Variants in CIAO1 observed in about 807,000 individuals in gnomAD.
CIAO1 encodes probable cytosolic iron-sulfur protein assembly protein CIAO1.
In CIAO1, 32 loss-of-function variants were observed where a neutral mutation model predicts 43.1. That is an observed-to-expected ratio of 0.74 (90% confidence interval 0.56 to 1.00). The LOEUF (loss-of-function observed/expected upper bound fraction) is 1.00. CIAO1 is among the 50% of genes least tolerant of loss of function. The probability of loss-of-function intolerance (pLI) is 0.00; values close to 1 mark genes in which losing one functional copy is unlikely to be tolerated. For missense variants in CIAO1, 415 were observed against 437.4 expected (o/e 0.95, Z 0.46); for synonymous variants, 183 against 171.4 (o/e 1.07, Z -0.53).
intron 6 of CIAO1, among the ~76,000 whole-genome samples, chr2:96,270,283 A>G (rs1684522884): frequency 6.6e-6 from 1 of 151,422 alleles, no homozygotes; most frequent in Non-Finnish European, 1.5e-5. Flanking sequence ...AAGGTGAGTG[A>G]ATCATGAGGT....
rs1169881934 is a variant in CIAO1 at position 96,273,646 on chromosome 2, G to C, written c.*2295G>C. On this transcript the variant is annotated 3_prime_UTR_variant, in exon 7 of 7. Transcript: ENST00000488633. The stretch of plus-strand genomic sequence containing the variant: ...CCACTGGACTCCAGCCTGGGTGACA[G>C]AGCGAGACTCCATTTCAAAAAAAAA... Among the ~76,000 whole-genome samples the C allele has an allele frequency of 7.5e-6, 1 of 134,226 alleles. No homozygotes were observed. The highest frequency in any genetic ancestry group is 2.9e-5 in the African/African-American group (1 of 35,058). 88.1% of individuals were successfully genotyped at this position (134,226 alleles called of 152,430 possible).
rs754148502 is a variant in CIAO1, at chr2:96,271,498, C to T, written c.*147C>T. On this transcript the variant is annotated 3_prime_UTR_variant, in exon 7 of 7. Transcript: ENST00000488633. ...AGACTTGGGTAGAAGTGCAGAGCCA[C>T]AGAATTGCTTTCCTTCCCCGCCTTT... is the stretch of plus-strand genomic sequence containing the variant. 246 of 958,538 alleles carry T rather than the reference C, an allele frequency of 2.6e-4. No individual in the cohort carries two copies. The highest frequency in any genetic ancestry group is 6.2e-4 in the Admixed American group (22 of 35,300). 59.4% of individuals were successfully genotyped at this position (958,538 alleles called of 1,614,324 possible). A position where few individuals can be genotyped will look rare whatever the true frequency, so the allele number is the denominator to read the frequency against.
chr2:96,268,104 A>G, intron 4 of CIAO1, 180 bp downstream of exon 4: 2 of 641,080 alleles, frequency 3.1e-6, no homozygotes, highest in South Asian at 3.7e-5. Context: ...CTATAATCTC[A>G]GCACTTTGGG....
At chr2:96,270,308 C>G (rs1684523339) in intron 6 of CIAO1, among the ~76,000 whole-genome samples, 1 of 151,792 alleles carries the variant, frequency 6.6e-6, no homozygotes, top group African/African-American at 2.4e-5. Context: ...AGTTCAAGAC[C>G]AGCCTGACCA....
intron 2 of CIAO1, 67 bp from the exon 3 acceptor site, chr2:96,267,558 G>C: frequency 6.2e-7 from 1 of 1,608,408 alleles, no homozygotes; most frequent in South Asian, 1.1e-5. Flanking sequence ...CAGTTGGGCT[G>C]TACCCATGGG....
In CIAO1 at chr2:96,268,648, C is replaced by T; in HGVS notation, c.681C>T (p.Gly227=). 1 of 1,614,134 alleles carries T rather than the reference C, an allele frequency of 6.2e-7. No homozygotes were observed. Among genetic ancestry groups the T allele is most frequent in the Non-Finnish European group, 8.5e-7 (1 of 1,180,024 alleles). ...GTATCTGGCGTCAGTATCTACCAGG[C>T]AATGAACAAGGTGAGGTCCATTAGT... ...TVRIWRQYLP[G]NEQGVACSGS... is the part of the protein sequence containing the mutation. The change falls in exon 5 of 7, where the codon GGC becomes GGT. Residue 227 remains glycine, a synonymous_variant. Transcript: ENST00000488633.
At chr2:96,267,248 G>C (rs533072983) in intron 1 of CIAO1, 73 bp from the exon 2 acceptor site, 1 of 1,503,796 alleles carries the variant, frequency 6.6e-7, no homozygotes, top group Non-Finnish European at 9.0e-7. Flanking sequence ...TGATTCCAGT[G>C]CTAGCCCCTG....
chr2:96,267,361 C>T lies in CIAO1; in HGVS notation c.180C>T (p.His60=), dbSNP rs781255348. Residue 60 remains histidine, a synonymous_variant, in exon 2 of 7, where the codon CAC becomes CAT. Coordinates refer to ENST00000488633, the MANE Select transcript of CIAO1 (RefSeq NM_004804.3). ...WICKSVLSEG[H]QRTVRKVAWS... Reference sequence around the variant, plus strand: ...GCAAGTCTGTCCTTTCTGAAGGCCACCAGCGCACCGTGCGGAAGGTAGCCT... The same window carrying T: ...GCAAGTCTGTCCTTTCTGAAGGCCATCAGCGCACCGTGCGGAAGGTAGCCT... 1 of 1,614,134 alleles carries T rather than the reference C, an allele frequency of 6.2e-7. No individual in the cohort carries two copies. Among genetic ancestry groups the T allele is most frequent in the Non-Finnish European group, 8.5e-7 (1 of 1,180,000 alleles).
At position 96,268,494 on chromosome 2, in the gene CIAO1, T is replaced by C; in HGVS notation, c.527T>C (p.Leu176Pro). ...ASASYDDTVK[L>P]YREEEDDWVC... The stretch of plus-strand genomic sequence containing the variant: ...GCCAGCTATGATGACACAGTGAAGC[T>C]GTACCGGGAGGAAGAGGATGACTGG... The change falls in exon 5 of 7, where the codon CTG becomes CCG. Residue 176 changes from leucine (L) to proline (P), a missense_variant. By Grantham distance (98) the Leu-to-Pro change is moderately conservative. Coordinates refer to ENST00000488633, the MANE Select transcript of CIAO1 (RefSeq NM_004804.3). 6.2e-7 allele frequency: 1 copy of C among 1,614,262 alleles called. No homozygotes were observed. The highest frequency in any genetic ancestry group is 8.5e-7 in the Non-Finnish European group (1 of 1,180,044).
intron 4 of CIAO1, 75 bp from the exon 5 acceptor site, chr2:96,268,382 T>C: frequency 8.4e-7 from 1 of 1,189,902 alleles, no homozygotes; most frequent in Non-Finnish European, 1.2e-6. Context: ...TAAAAGCAGA[T>C]ACCTGGAACT....
At chr2:96,268,424 C>T (rs1684478955) in intron 4 of CIAO1, 33 bp from the exon 5 acceptor site, 2 of 1,593,872 alleles carry the variant, frequency 1.3e-6, no homozygotes, top group Non-Finnish European at 1.7e-6. Flanking sequence ...GCCACACAGA[C>T]ACATGTTGGG....
chr2:96,271,069 C>T (rs918744515), intron 6 of CIAO1, 42 bp from the exon 7 acceptor site: 3 of 1,611,346 alleles, frequency 1.9e-6, no homozygotes, highest in Admixed American at 1.7e-5. Flanking sequence ...TCTCTCTGGC[C>T]TAATTAGTCA....
In CIAO1 at chr2:96,271,220, C is replaced by T. The variant is rs764025636; in HGVS notation, c.889C>T (p.His297Tyr). Reference protein sequence around the residue: ...PQQPTFSLTAHLHQAHSQDVN... With the variant: ...PQQPTFSLTAYLHQAHSQDVN... Reference sequence around the variant, plus strand: ...GCAGCCCACCTTCTCCCTGACAGCCCACTTGCATCAGGCCCATTCCCAGGA... The same window carrying T: ...GCAGCCCACCTTCTCCCTGACAGCCTACTTGCATCAGGCCCATTCCCAGGA... Residue 297 changes from histidine (H) to tyrosine (Y), a missense_variant, in exon 7 of 7, where the codon CAC (histidine) becomes TAC (tyrosine). Transcript: ENST00000488633. 1 of 1,614,256 alleles carries T rather than the reference C, an allele frequency of 6.2e-7. No homozygotes were observed. Among genetic ancestry groups the T allele is most frequent in the Non-Finnish European group, 8.5e-7 (1 of 1,180,050 alleles).
In CIAO1 at chr2:96,271,320, TCTGGAA is replaced by T; in HGVS notation, c.990_995del (p.Phe330_Lys332delinsLeu). On this transcript the variant is annotated inframe_deletion, in exon 7 of 7. Transcript: ENST00000488633. ...TGCAGTGATGATGGGGAGGTGGCCT[TCTGGAA>T]GTATCAGCGGCCTGAAGGCCTCTGA... 1 of 1,614,138 alleles carries T rather than the reference TCTGGAA, an allele frequency of 6.2e-7. No individual in the cohort carries two copies. Among genetic ancestry groups the T allele is most frequent in the Non-Finnish European group, 8.5e-7 (1 of 1,180,036 alleles).
intron 1 of CIAO1, 57 bp downstream of exon 1, chr2:96,266,546 T>C (rs1381432806): frequency 1.3e-5 from 17 of 1,344,190 alleles, no homozygotes; most frequent in Non-Finnish European, 1.5e-5. Flanking sequence ...CTGCGCGTAG[T>C]GCAGGCGCTC....
intron 6 of CIAO1, among the ~76,000 whole-genome samples, chr2:96,270,745 G>A (rs1276625232): frequency 4.0e-5 from 6 of 151,302 alleles, no homozygotes; most frequent in Admixed American, 1.3e-4. Context: ...GGGAGGGGGA[G>A]GTTGCAGTCA....
chr2:96,270,703 A>G (rs990199926), intron 6 of CIAO1, among the ~76,000 whole-genome samples: 2 of 145,566 alleles, frequency 1.4e-5, no homozygotes, highest in Non-Finnish European at 3.0e-5. Flanking sequence ...CCAGCTACTC[A>G]GGAGGCTGAG....
intron 5 of CIAO1, chr2:96,269,041 G>A (rs1684492519): frequency 3.4e-6 from 2 of 595,798 alleles, no homozygotes; most frequent in South Asian, 4.0e-5. Context: ...GGCACGCAAA[G>A]TAGTTACATA....
At chr2:96,270,217 T>C (rs527389986) in intron 6 of CIAO1, among the ~76,000 whole-genome samples, 2 of 152,306 alleles carry the variant, frequency 1.3e-5, no homozygotes, top group East Asian at 1.9e-4. Flanking sequence ...AAGAATACTT[T>C]ATGATGGGGC....
Sources: gnomAD v4.1 joint callset for allele counts (sites outside exome capture counted in the v4.1 genomes callset) on GRCh38, gnomAD v4.1.1 for gene constraint, MANE v1.5 for transcripts, NCBI Gene and HGNC (gene_info 2026-07-23, HGNC 2026-07-21) for gene names.